LARGE1: variants seen among roughly 807,000 people sequenced by gnomAD.
LARGE1 encodes the protein xylosyl- and glucuronyltransferase LARGE1.
In LARGE1, 43 loss-of-function variants were observed where a neutral mutation model predicts 87.6. That is an observed-to-expected ratio of 0.49 (90% CI 0.38 to 0.63). LARGE1 has a LOEUF of 0.63. Ranked by LOEUF, LARGE1 falls within the 30% of genes least tolerant of loss-of-function variation. The pLI is 0.00. For synonymous variants in LARGE1, 434 were observed against 394.6 expected, an observed-to-expected ratio of 1.10 and a Z score of -1.18; for missense variants, 802 against 1,000.2, an observed-to-expected ratio of 0.80 and a Z score of 2.67.
At chr22:33,087,275 T>C in the LARGE1 span, among the ~76,000 whole-genome samples, 1 of 151,868 alleles carries the variant, frequency 6.6e-6, no homozygotes, top group Non-Finnish European at 1.5e-5. Flanking sequence ...ATAATTTAAT[T>C]GTATTATAAT....
chr22:33,307,941 C>T (rs909745946), intron 11 of LARGE1, among the ~76,000 whole-genome samples: 3 of 152,040 alleles, frequency 2.0e-5, no homozygotes, highest in Non-Finnish European at 2.9e-5. Context: ...GCCAGGCTTT[C>T]TTTTGCTGGA....
At chr22:33,481,510 A>C (rs1257760727) in intron 6 of LARGE1, among the ~76,000 whole-genome samples, 2 of 152,166 alleles carry the variant, frequency 1.3e-5, no homozygotes, top group Admixed American at 1.3e-4. Context: ...TCAAACAAAA[A>C]TTTAATGGTG....
intron 2 of LARGE1, among the ~76,000 whole-genome samples, chr22:33,721,159 C>T (rs2267273): frequency 0.58 from 87,635 of 151,936 alleles, 27,050 homozygotes; most frequent in African/African-American, 0.81. Flanking sequence ...TTTAGTGAGG[C>T]TACCTATGTA....
chr22:33,558,895 C>G (rs917366389), intron 6 of LARGE1, among the ~76,000 whole-genome samples: 2 of 152,202 alleles, frequency 1.3e-5, no homozygotes, highest in African/African-American at 4.8e-5. Context: ...CTGCCATCAT[C>G]CCATTCACTC....
the LARGE1 span, among the ~76,000 whole-genome samples, chr22:33,154,282 C>G: frequency 2.0e-5 from 3 of 151,930 alleles, 1 homozygote; most frequent in Non-Finnish European, 4.4e-5. Flanking sequence ...ACTCTGTTGC[C>G]CAGGTTGGAG....
chr22:33,791,817 T>A (rs1190882110), intron 1 of LARGE1, among the ~76,000 whole-genome samples: 2 of 152,196 alleles, frequency 1.3e-5, no homozygotes, highest in African/African-American at 4.8e-5. Flanking sequence ...ATATTACTAC[T>A]CACAACTACC....
chr22:33,289,897 A>G lies in LARGE1; in HGVS notation c.1731-6549T>C, dbSNP rs139938328. On this transcript the variant is annotated intron_variant, in intron 12 of 14. Transcript: ENST00000397394. ...TCACTCAGGTATATGGGTAGTTCGTATCCTCTTTTGCTCCAATCTGGCAAA... is the reference window on the plus strand; with the variant it reads ...TCACTCAGGTATATGGGTAGTTCGTGTCCTCTTTTGCTCCAATCTGGCAAA... Among the ~76,000 whole-genome samples, 101 of 152,130 alleles carry G rather than the reference A, an allele frequency of 6.6e-4. 1 individual carries two copies. The highest frequency in any genetic ancestry group is 2.3e-3 in the African/African-American group (95 of 41,514).
intron 5 of LARGE1, among the ~76,000 whole-genome samples, chr22:33,598,617 TAC>T (rs1490527856): frequency 1.3e-5 from 2 of 151,190 alleles, no homozygotes; most frequent in African/African-American, 4.8e-5. Flanking sequence ...AGTGAGAACA[TAC>T]AGAGCTTGGT....
intron 6 of LARGE1, among the ~76,000 whole-genome samples, chr22:33,458,317 G>A (rs1569181727): frequency 6.6e-6 from 1 of 152,086 alleles, no homozygotes; most frequent in African/African-American, 2.4e-5. Context: ...TGTCAGCCAG[G>A]ATGGTCTCGA....
intron 6 of LARGE1, among the ~76,000 whole-genome samples, chr22:33,554,201 C>T (rs774646714): frequency 3.9e-5 from 6 of 151,998 alleles, no homozygotes; most frequent in Admixed American, 6.5e-5. Context: ...CCAATCACAC[C>T]GTGCCCAGTC....
chr22:33,748,143 T>G (rs898472809), intron 2 of LARGE1, among the ~76,000 whole-genome samples: 2 of 150,752 alleles, frequency 1.3e-5, no homozygotes, highest in African/African-American at 4.9e-5. Flanking sequence ...TTGTTTTTTT[T>G]TTTTTTTTAG....
At chr22:33,742,571 T>A (rs2083925056) in intron 2 of LARGE1, among the ~76,000 whole-genome samples, 1 of 152,144 alleles carries the variant, frequency 6.6e-6, no homozygotes, top group Non-Finnish European at 1.5e-5. Context: ...AGCCAGCAAG[T>A]CGCAGCATCA....
At chr22:33,524,196 C>T (rs2071758019) in intron 6 of LARGE1, among the ~76,000 whole-genome samples, 1 of 151,142 alleles carries the variant, frequency 6.6e-6, no homozygotes, top group African/African-American at 2.4e-5. Flanking sequence ...GAGGCTGAGG[C>T]AGGAGAACTG....
chr22:33,307,406 A>G (rs962207227), intron 11 of LARGE1, among the ~76,000 whole-genome samples: 5 of 152,102 alleles, frequency 3.3e-5, no homozygotes, highest in African/African-American at 9.7e-5. Context: ...GCTGAGAACA[A>G]TGTTCCCAAA....
chr22:33,746,132 C>G (rs1443383491), intron 2 of LARGE1, among the ~76,000 whole-genome samples: 5 of 152,184 alleles, frequency 3.3e-5, no homozygotes, highest in Non-Finnish European at 7.3e-5. Flanking sequence ...GTCCCAGCTA[C>G]TCGGGAGGCT....
intron 6 of LARGE1, among the ~76,000 whole-genome samples, chr22:33,434,944 A>G (rs547665144): frequency 9.2e-5 from 14 of 151,880 alleles, no homozygotes; most frequent in Non-Finnish European, 1.6e-4. Flanking sequence ...CTTCATTCCC[A>G]TATTAGATGG....
At chr22:33,224,710 C>T (rs1249542312) in intron 11 of LARGE1, among the ~76,000 whole-genome samples, 1 of 152,064 alleles carries the variant, frequency 6.6e-6, no homozygotes, top group Non-Finnish European at 1.5e-5. Context: ...TCATCCCAAC[C>T]TGCATGCCTT....
At chr22:33,829,408 C>T (rs1248983418) in intron 1 of LARGE1, among the ~76,000 whole-genome samples, 1 of 152,146 alleles carries the variant, frequency 6.6e-6, no homozygotes, top group African/African-American at 2.4e-5. Flanking sequence ...TTCCCCTTCT[C>T]ACCACTCCAT....
At chr22:33,818,183 A>T (rs372435890) in intron 1 of LARGE1, among the ~76,000 whole-genome samples, 33 of 152,206 alleles carry the variant, frequency 2.2e-4, no homozygotes, top group African/African-American at 7.7e-4. Flanking sequence ...TGAGACTCAC[A>T]CCTTCCCATC....
Sources: allele counts gnomAD v4.1 joint callset (sites outside exome capture counted in the v4.1 genomes callset), GRCh38; gene constraint gnomAD v4.1.1; transcripts MANE v1.5; gene names NCBI Gene and HGNC (gene_info 2026-07-23, HGNC 2026-07-21).